The following SYNM variants were observed in gnomAD, a reference collection of about 807,000 sequenced individuals.
The protein encoded by SYNM is synemin.
In SYNM, 95 loss-of-function variants were observed where a neutral mutation model predicts 104.0. The observed-to-expected ratio is 0.91, with a 90% CI of 0.77 to 1.08. The LOEUF (loss-of-function observed/expected upper bound fraction) is 1.08. Among genes scored for constraint, SYNM ranks in the 50% least tolerant of loss-of-function variants. The pLI is 0.00. For missense variants in SYNM, 2,150 were observed against 2,052.2 expected, an observed-to-expected ratio of 1.05 and a Z score of -0.92; for synonymous variants, 918 against 869.0, an observed-to-expected ratio of 1.06 and a Z score of -0.99.
rs1382009435 is a variant in SYNM at position 99,133,176 on chromosome 15, T to G, written c.*118T>G. 11 of 1,494,988 alleles carry G rather than the reference T, an allele frequency of 7.4e-6. No individual in the cohort carries two copies. Among genetic ancestry groups the G allele is most frequent in the Non-Finnish European group, 9.7e-6 (11 of 1,129,692 alleles). 92.6% of individuals were successfully genotyped at this position (1,494,988 alleles called of 1,614,324 possible). ...GAAAATCTCCCCTTTTTTACTTTTT[T>G]AAAGAGTACTCCCGGCATGGTCAAT... On this transcript the variant is annotated 3_prime_UTR_variant, in exon 4 of 4. Transcript: ENST00000336292.
At chr15:99,123,303 G>GT (rs10695953) in intron 2 of SYNM, among the ~76,000 whole-genome samples, 35,578 of 145,812 alleles carry the variant, frequency 0.24, 4,516 homozygotes, top group East Asian at 0.33. Flanking sequence ...TGATTATCTG[G>GT]TTTTTTTTTT....
rs1555486481 is a variant in SYNM, at chr15:99,134,713, T to C, written c.*1655T>C. The C allele has an allele frequency of 6.6e-6, 1 of 152,220 alleles. No homozygotes were observed. Among genetic ancestry groups the C allele is most frequent in the Non-Finnish European group, 1.5e-5 (1 of 68,052 alleles). 9.4% of individuals were successfully genotyped at this position (152,220 alleles called of 1,614,324 possible). ...GGGAGTGGCTACCGCAGGTAGTTTC[T>C]GGAGAGCACGTTTTCTTCATTGATA... On this transcript the variant is annotated 3_prime_UTR_variant, in exon 4 of 4. Transcript: ENST00000336292.
At chr15:99,136,956 CCCAGGGTGGTTTTGATGTCCCA>C, downstream of SYNM, 3 of 152,318 alleles carry the variant, frequency 2.0e-5, no homozygotes, top group South Asian at 6.2e-4. Flanking sequence ...CACAAATGGC[CCCAGGGTGGTTTTGATGTCCCA>C]CTGGGGGCTG....
chr15:99,113,950 C>T (rs368607529), intron 2 of SYNM, among the ~76,000 whole-genome samples: 4 of 152,252 alleles, frequency 2.6e-5, no homozygotes, highest in East Asian at 1.9e-4. Context: ...GAGCCGTGCC[C>T]CCTTACCTAG....
chr15:99,123,979 A>G lies in SYNM; in HGVS notation c.936-2743A>G, dbSNP rs143417839. ...AGGCCACATGACAGCCGGCTTCTGC[A>G]CTGTGGGTTTGTCCTGGGCTCCTTA... On this transcript the variant is annotated intron_variant, in intron 2 of 3. Transcript: ENST00000336292. 2.2e-4 allele frequency among the ~76,000 whole-genome samples: 34 copies of G among 152,384 alleles called. No individual in the cohort carries two copies. The East Asian group carries it at 5.6e-3, about 25-fold the overall frequency.
At chr15:99,140,251 A>G (rs1473318693), downstream of SYNM, 1 of 152,760 alleles carries the variant, frequency 6.5e-6, no homozygotes, top group East Asian at 1.9e-4. Flanking sequence ...CTGGTTTTCC[A>G]AATGGAAGAA....
intron 1 of SYNM, among the ~76,000 whole-genome samples, chr15:99,111,549 A>G (rs1255554622): frequency 6.6e-6 from 1 of 152,220 alleles, no homozygotes; most frequent in Admixed American, 6.5e-5. Context: ...TTGTAATGCC[A>G]GCTGTGGGAT....
intron 3 of SYNM, among the ~76,000 whole-genome samples, chr15:99,127,543 A>G (rs1225351018): frequency 1.3e-5 from 2 of 152,178 alleles, no homozygotes; most frequent in Admixed American, 6.5e-5. Context: ...TTTAGTCTTC[A>G]TTGTTTCTTT....
In SYNM at chr15:99,131,046, C is replaced by T. The variant is rs2067499318; in HGVS notation, c.2686C>T (p.Pro896Ser). 1 of 1,608,802 alleles carries T rather than the reference C, an allele frequency of 6.2e-7. No homozygotes were observed. Among genetic ancestry groups the T allele is most frequent in the African/African-American group, 1.3e-5 (1 of 74,816 alleles). ...TGTGAAGCCCTTGGATGTCCCAGCGCCCTCTCTGGAGGGGGACCTGGGTTC... is the reference window on the plus strand; with the variant it reads ...TGTGAAGCCCTTGGATGTCCCAGCGTCCTCTCTGGAGGGGGACCTGGGTTC... ...KVVKPLDVPA[P>S]SLEGDLGSTH... The change falls in exon 4 of 4, where the codon CCC becomes TCC. Residue 896 changes from proline (P) to serine (S), a missense_variant. Transcript: ENST00000336292. This position sits in a 1 kb window ranked among gnomAD's most constrained non-coding sequence, Gnocchi z 4.3.
chr15:99,138,752 C>T (rs948346162), downstream of SYNM, among the ~76,000 whole-genome samples: 31 of 152,238 alleles, frequency 2.0e-4, no homozygotes, highest in Non-Finnish European at 3.4e-4. Context: ...CTTCCCTGCC[C>T]TCAAAGGGGA....
intron 1 of SYNM, among the ~76,000 whole-genome samples, chr15:99,110,576 A>C (rs1355925846): frequency 3.9e-5 from 6 of 152,214 alleles, no homozygotes; most frequent in Non-Finnish European, 5.9e-5. Context: ...CAGTATTTAA[A>C]TCCCCTGGAG....
rs370899154 is a variant in SYNM, at chr15:99,109,808, T to C, written c.811-3783T>C. 8.5e-5 allele frequency among the ~76,000 whole-genome samples: 13 copies of C among 152,148 alleles called. 1 individual carries two copies. In the East Asian group the frequency reaches 1.7e-3, roughly 20 times the overall value. ...CTTCAGGTGGAAACAGCGTGTGGTT[T>C]TTCGGGGATGCCTCAGCCAGGCTGC... On this transcript the variant is annotated intron_variant, in intron 1 of 3. Coordinates refer to ENST00000336292, the MANE Select transcript of SYNM (RefSeq NM_145728.3).
intron 2 of SYNM, among the ~76,000 whole-genome samples, chr15:99,119,599 C>T (rs1225979153): frequency 6.6e-6 from 1 of 152,148 alleles, no homozygotes; most frequent in Non-Finnish European, 1.5e-5. Context: ...TTAGAGCTGC[C>T]CTGGGCCTGT....
chr15:99,138,857 G>A (rs2067866627), downstream of SYNM, among the ~76,000 whole-genome samples: 1 of 152,234 alleles, frequency 6.6e-6, no homozygotes, highest in African/African-American at 2.4e-5. Context: ...CTGCGGACCA[G>A]GCTCTGTGAG....
chr15:99,140,497 G>C (rs1483241976), downstream of SYNM: 1 of 152,048 alleles, frequency 6.6e-6, no homozygotes, highest in Non-Finnish European at 1.5e-5. Context: ...AGCCTCCCGA[G>C]TAGCTGAGAT....
At chr15:99,108,449 A>G (rs2067269904) in intron 1 of SYNM, among the ~76,000 whole-genome samples, 1 of 152,178 alleles carries the variant, frequency 6.6e-6, no homozygotes, top group Non-Finnish European at 1.5e-5. Context: ...TGAAAGAGGG[A>G]GTATGGATGA....
At position 99,135,183 on chromosome 15, in the gene SYNM, C is replaced by T. The variant is rs1239421854; in HGVS notation, c.*2125C>T. 6.6e-6 allele frequency: 1 copy of T among 152,642 alleles called. No individual in the cohort carries two copies. The highest frequency in any genetic ancestry group is 2.4e-5 in the African/African-American group (1 of 41,444). The allele number at this position is 152,642 out of a possible 1,614,324, so 9.5% of individuals were successfully genotyped here. A position where few individuals can be genotyped will look rare whatever the true frequency, so the allele number is the denominator to read the frequency against. ...TATCTTGGATCTTAATTATCATCTG[C>T]AAGTTTCAAGAAGTATTCTGCCAAA... On this transcript the variant is annotated 3_prime_UTR_variant, in exon 4 of 4. Transcript: ENST00000336292.
In SYNM at chr15:99,113,644, T is replaced by G. The variant is rs1462052747; in HGVS notation, c.864T>G (p.Ala288=). Residue 288 remains alanine, a synonymous_variant, in exon 2 of 4, where the codon GCT becomes GCG. Transcript: ENST00000336292. The stretch of plus-strand genomic sequence containing the variant: ...AGGCAACCCTCACCTTGGCCATGGC[T>G]GACTGGCTGCGGGACTATCAGGACC... ...DEKATLTLAM[A]DWLRDYQDLL... The G allele has an allele frequency of 6.2e-7, 1 of 1,613,562 alleles. No homozygotes were observed. Among genetic ancestry groups the G allele is most frequent in the Non-Finnish European group, 8.5e-7 (1 of 1,179,758 alleles).
chr15:99,112,738 T>C (rs1204443484), intron 1 of SYNM, among the ~76,000 whole-genome samples: 1 of 152,082 alleles, frequency 6.6e-6, no homozygotes, highest in African/African-American at 2.4e-5. Flanking sequence ...TGAGGTGGAG[T>C]CTCGCTCTGT....
Sources: gnomAD v4.1 joint callset for allele counts (sites outside exome capture counted in the v4.1 genomes callset) on GRCh38, gnomAD v4.1.1 for gene constraint, Gnocchi (gnomAD v3.1) non-coding constraint, MANE v1.5 for transcripts, NCBI Gene and HGNC (gene_info 2026-07-23, HGNC 2026-07-21) for gene names.